Variants in NMNAT3 observed in about 807,000 individuals in gnomAD.
NMNAT3 encodes nicotinamide nucleotide adenylyltransferase 3, also known as nicotinamide/nicotinic acid mononucleotide adenylyltransferase 3.
NMNAT3 carries 21 observed loss-of-function variants against 24.8 expected under a neutral mutation model. The ratio of observed to expected loss-of-function variants is 0.85; its 90% CI spans 0.60 to 1.22. The LOEUF (loss-of-function observed/expected upper bound fraction) is 1.22, where lower values mean the gene tolerates loss of function less well. Ranked by LOEUF, NMNAT3 falls within the 50% of genes most tolerant of loss-of-function variation. The pLI is 0.00. For missense variants in NMNAT3, 387 were observed against 436.6 expected, an observed-to-expected ratio of 0.89 and a Z score of 1.01; for synonymous variants, 136 against 155.2, an observed-to-expected ratio of 0.88 and a Z score of 0.92.
At chr3:139,647,529 T>C (rs989555078) in intron 1 of NMNAT3, among the ~76,000 whole-genome samples, 11 of 152,146 alleles carry the variant, frequency 7.2e-5, no homozygotes, top group Non-Finnish European at 5.9e-5. Context: ...TTAAGAATCT[T>C]GAGAAGAGGG....
intron 3 of NMNAT3, among the ~76,000 whole-genome samples, chr3:139,596,851 A>G (rs984995887): frequency 6.8e-6 from 1 of 147,284 alleles, no homozygotes; most frequent in Admixed American, 6.8e-5. Context: ...AGTCCTAGTA[A>G]CAAATGTCCT....
At chr3:139,638,852 T>C (rs1039607376) in intron 1 of NMNAT3, among the ~76,000 whole-genome samples, 1 of 152,152 alleles carries the variant, frequency 6.6e-6, no homozygotes, top group African/African-American at 2.4e-5. Context: ...TCTTCAGGTG[T>C]CATCCAGAGC....
At chr3:139,599,565 AC>A (rs2054622013) in intron 3 of NMNAT3, 1 of 606,500 alleles carries the variant, frequency 1.6e-6, no homozygotes, top group Non-Finnish European at 2.9e-6. Flanking sequence ...CATAAAAAAG[AC>A]CAGAATCTCA....
chr3:139,664,395 T>C (rs1433115504), intron 1 of NMNAT3, among the ~76,000 whole-genome samples: 1 of 152,162 alleles, frequency 6.6e-6, no homozygotes, highest in Non-Finnish European at 1.5e-5. Flanking sequence ...AACTTCAACT[T>C]TCTGTGAAAA....
At chr3:139,672,761 C>A (rs537274393) in intron 1 of NMNAT3, 1 of 152,332 alleles carries the variant, frequency 6.6e-6, no homozygotes, top group East Asian at 1.9e-4. Flanking sequence ...GCCAAAGTAA[C>A]TCTCTAATAA....
intron 1 of NMNAT3, among the ~76,000 whole-genome samples, chr3:139,646,198 G>C (rs2056865783): frequency 6.6e-6 from 1 of 152,136 alleles, no homozygotes; most frequent in South Asian, 2.1e-4. Context: ...AAGTATCAGT[G>C]TTTAGTGTTA....
At chr3:139,636,398 A>C (rs965733017) in intron 2 of NMNAT3, 1 of 152,108 alleles carries the variant, frequency 6.6e-6, no homozygotes, top group Admixed American at 6.5e-5. Flanking sequence ...AAAAACCCTT[A>C]CTCAGGACTC....
intron 1 of NMNAT3, among the ~76,000 whole-genome samples, chr3:139,646,952 T>G (rs1445413375): frequency 6.6e-6 from 1 of 152,222 alleles, no homozygotes; most frequent in Non-Finnish European, 1.5e-5. Context: ...CTTATGCCCT[T>G]AATATTGCCT....
intron 3 of NMNAT3, among the ~76,000 whole-genome samples, chr3:139,586,789 CAG>C (rs1177495123): frequency 6.6e-6 from 1 of 152,112 alleles, no homozygotes; most frequent in African/African-American, 2.4e-5. Context: ...CTAAAGCCCA[CAG>C]AGCAGTAAAA....
chr3:139,643,777 C>T (rs758591330), intron 1 of NMNAT3, among the ~76,000 whole-genome samples: 1 of 152,062 alleles, frequency 6.6e-6, no homozygotes, highest in African/African-American at 2.4e-5. Flanking sequence ...TTTAGTTTTG[C>T]GAGGTAAGTT....
chr3:139,616,519 T>G (rs1218359054), intron 3 of NMNAT3, among the ~76,000 whole-genome samples: 1 of 152,176 alleles, frequency 6.6e-6, no homozygotes, highest in Admixed American at 6.5e-5. Flanking sequence ...AGTCTTGTAT[T>G]CTGATAGGTC....
intron 1 of NMNAT3, among the ~76,000 whole-genome samples, chr3:139,641,833 A>G (rs2056713732): frequency 6.6e-6 from 1 of 152,238 alleles, no homozygotes; most frequent in African/African-American, 2.4e-5. Context: ...CAGCACAGCA[A>G]TTCCCTTTTC....
intron 1 of NMNAT3, among the ~76,000 whole-genome samples, 163 bp downstream of exon 1, chr3:139,677,542 C>T (rs921498036): frequency 6.6e-6 from 1 of 152,142 alleles, no homozygotes; most frequent in Non-Finnish European, 1.5e-5. Context: ...GCGGAGCTGT[C>T]CCCCCGGTTC....
chr3:139,669,476 CAGAAAAAAAAAAAA>C (rs2057690118), intron 1 of NMNAT3, among the ~76,000 whole-genome samples: 1 of 34,466 alleles, frequency 2.9e-5, no homozygotes, highest in Middle Eastern at 0.017. Context: ...GACCCTGTCT[CAGAAAAAAAAAAAA>C]AAAAAAAAAA....
At position 139,593,457 on chromosome 3, in the gene NMNAT3, G is replaced by A. The variant is rs573633353; in HGVS notation, c.110-10249C>T. 7.3e-4 allele frequency among the ~76,000 whole-genome samples: 111 copies of A among 152,122 alleles called. No individual in the cohort carries two copies. The East Asian group carries it at 0.016, about 22-fold the overall frequency. On this transcript the variant is annotated intron_variant, in intron 3 of 6. Transcript: ENST00000643695. ...AATTGAACTCAGCTCTGCACCAAGC[G>A]GACCTAATAGACATCTACAGAAGTC...
intron 3 of NMNAT3, among the ~76,000 whole-genome samples, chr3:139,591,811 C>G (rs2054199674): frequency 6.6e-6 from 1 of 152,224 alleles, no homozygotes; most frequent in African/African-American, 2.4e-5. Context: ...CACCAAAAAC[C>G]CATCTGTACT....
intron 3 of NMNAT3, among the ~76,000 whole-genome samples, chr3:139,588,507 T>G (rs965470525): frequency 6.6e-6 from 1 of 152,110 alleles, no homozygotes. Flanking sequence ...GGAGAGCTGA[T>G]AAAAATTGAT....
rs570950845 is a variant in NMNAT3, at chr3:139,673,023, G to C, written c.-141+4682C>G. 2.0e-4 allele frequency among the ~76,000 whole-genome samples: 30 copies of C among 152,110 alleles called. 1 individual carries two copies. Among genetic ancestry groups the C allele is most frequent in the Non-Finnish European group, 1.6e-4 (11 of 68,020 alleles). On this transcript the variant is annotated intron_variant, in intron 1 of 6. Coordinates refer to ENST00000643695, the MANE Select transcript of NMNAT3 (RefSeq NM_001320510.2). ...CACAGATTGGTGGGCCCAGCTTTCC[G>C]GACAACAGCAGTCAGCAGTGCCCTT... is the stretch of plus-strand genomic sequence containing the variant.
chr3:139,657,035 A>G (rs1484016464), intron 1 of NMNAT3, among the ~76,000 whole-genome samples: 1 of 152,200 alleles, frequency 6.6e-6, no homozygotes, highest in East Asian at 1.9e-4. Context: ...TACTGCAGAC[A>G]TTTGCAGAGA....
Sources: allele counts gnomAD v4.1 joint callset (sites outside exome capture counted in the v4.1 genomes callset), GRCh38; gene constraint gnomAD v4.1.1; transcripts MANE v1.5; gene names NCBI Gene and HGNC (gene_info 2026-07-23, HGNC 2026-07-21).